The following EPHB4 variants were observed in gnomAD, a reference collection of about 807,000 sequenced individuals.
EPHB4 encodes the protein ephrin type-B receptor 4.
In EPHB4, 50 loss-of-function variants were observed where a neutral mutation model predicts 110.6. That is an observed-to-expected ratio of 0.45 (90% confidence interval 0.36 to 0.57). EPHB4 has a LOEUF of 0.57. Ranked by LOEUF, EPHB4 falls within the 20% of genes least tolerant of loss-of-function variation. The pLI is 0.00. For synonymous variants in EPHB4, 592 were observed against 578.4 expected (o/e 1.02, Z -0.34); for missense variants, 1,128 against 1,382.1 (o/e 0.82, Z 2.91).
chr7:100,813,306 G>GTTTTTTTTTTT, intron 10 of EPHB4, 98 bp from the exon 11 acceptor site: 1 of 385,622 alleles, frequency 2.6e-6, no homozygotes, highest in South Asian at 3.5e-5. Context: ...TGTCTCCGTG[G>GTTTTTTTTTTT]TTTTTTTTTT....
Position 100,822,735 on chromosome 7 carries a change from C to A in EPHB4, c.412-68G>T. The A allele has an allele frequency of 6.9e-7, 1 of 1,443,690 alleles. No homozygotes were observed. Among genetic ancestry groups the A allele is most frequent in the South Asian group, 1.5e-5 (1 of 68,566 alleles). 89.4% of individuals were successfully genotyped at this position (1,443,690 alleles called of 1,614,324 possible). A position where few individuals can be genotyped will look rare whatever the true frequency, so the allele number is the denominator to read the frequency against. ...TGAGGACCCAGCGGACTGTTGTGTT[C>A]TTCCCAGCTCACCCTCCCGGACCTC... On this transcript the variant is annotated intron_variant, in intron 3 of 16. Coordinates refer to ENST00000358173, the MANE Select transcript of EPHB4 (RefSeq NM_004444.5). This position sits in a 1 kb window ranked among gnomAD's most constrained non-coding sequence, Gnocchi z 4.7.
intron 14 of EPHB4, chr7:100,805,929 T>A: frequency 2.4e-6 from 1 of 424,630 alleles, no homozygotes; most frequent in Non-Finnish European, 4.1e-6. Context: ...CATCTCTGCA[T>A]CCTTCTGCGA....
At chr7:100,813,315 T>TC (rs1812989560) in intron 10 of EPHB4, 107 bp from the exon 11 acceptor site, 1 of 866,518 alleles carries the variant, frequency 1.2e-6, no homozygotes, top group Non-Finnish European at 1.7e-6. Context: ...GGTTTTTTTT[T>TC]TTTTTTTTTT....
In EPHB4 at chr7:100,822,318, C is replaced by G; in HGVS notation, c.761G>C (p.Ser254Thr). Residue 254 changes from serine (S) to threonine (T), a missense_variant, in exon 4 of 17, where the codon AGC (serine) becomes ACC (threonine). By Grantham distance (58) the Ser-to-Thr change is moderately conservative. Transcript: ENST00000358173. This position sits in a 1 kb window ranked among gnomAD's most constrained non-coding sequence, Gnocchi z 4.7. The part of the protein sequence containing the change: ...QWAEQPVTGC[S>T]CAPGFEAAEG... ...AGCTGCCTCGAACCCCGGAGCACAGCTGCAGCCCGTGACCGGCTGTTCGGC... is the reference window on the plus strand; with the variant it reads ...AGCTGCCTCGAACCCCGGAGCACAGGTGCAGCCCGTGACCGGCTGTTCGGC... The G allele has an allele frequency of 6.4e-7, 1 of 1,567,420 alleles. No individual in the cohort carries two copies. The highest frequency in any genetic ancestry group is 8.7e-7 in the Non-Finnish European group (1 of 1,154,712).
intron 12 of EPHB4, among the ~76,000 whole-genome samples, chr7:100,810,020 G>C (rs1361751028): frequency 6.6e-6 from 1 of 152,098 alleles, no homozygotes; most frequent in Non-Finnish European, 1.5e-5. Flanking sequence ...AGGCTGAGGT[G>C]GTGGGCAGAT....
chr7:100,820,586 G>A, intron 4 of EPHB4: 3 of 252,224 alleles, frequency 1.2e-5, no homozygotes. Flanking sequence ...TCCAGAGAAG[G>A]GGTCCTCACC....
Position 100,803,343 on chromosome 7 carries a change from T to C in EPHB4, c.*118A>G. 1 of 1,258,042 alleles carries C rather than the reference T, an allele frequency of 7.9e-7. No homozygotes were observed. 77.9% of individuals were successfully genotyped at this position (1,258,042 alleles called of 1,614,324 possible). A position where few individuals can be genotyped will look rare whatever the true frequency, so the allele number is the denominator to read the frequency against. On this transcript the variant is annotated 3_prime_UTR_variant, in exon 17 of 17. Transcript: ENST00000358173. ...CCTGTCTCTCCAAATTGCCAACTCCTCACCCCACGGGCTCAAAGTGCAATC... is the reference window on the plus strand; with the variant it reads ...CCTGTCTCTCCAAATTGCCAACTCCCCACCCCACGGGCTCAAAGTGCAATC...
intron 8 of EPHB4, 87 bp downstream of exon 8, chr7:100,817,101 AAAAG>A: frequency 1.7e-6 from 2 of 1,206,518 alleles, no homozygotes; most frequent in Non-Finnish European, 2.2e-6. Context: ...AAAAAAAAAA[AAAAG>A]ATGATGGGAC....
rs372433130 is a variant in EPHB4, at chr7:100,822,425, G to T, written c.654C>A (p.Pro218=). ...PETVPRELVV[P]VAGSCVVDAV... ...CATCCACCACGCAGCTACCGGCCAC[G>T]GGCACAACCAGCTCCCGAGGCACAG... The change falls in exon 4 of 17, where the codon CCC becomes CCA. Residue 218 remains proline (P), a synonymous_variant. Coordinates refer to ENST00000358173, the MANE Select transcript of EPHB4 (RefSeq NM_004444.5). The surrounding 1 kb of genome is among the most constrained non-coding windows in gnomAD (Gnocchi z 4.7). 3.1e-6 allele frequency: 5 copies of T among 1,597,588 alleles called. No individual in the cohort carries two copies. The South Asian group carries it at 5.6e-5, about 18-fold the overall frequency.
chr7:100,820,190 G>C lies in EPHB4; in HGVS notation c.915C>G (p.Arg305=). 6.2e-7 allele frequency: 1 copy of C among 1,614,102 alleles called. No individual in the cohort carries two copies. The highest frequency in any genetic ancestry group is 8.5e-7 in the Non-Finnish European group (1 of 1,180,022). ...CTGTGCGTGCCCGGAAGTACCCGAC[G>C]CGGCACTGGCAGACGGCTGATCCAA... The part of the protein sequence containing the change: ...NTIGSAVCQC[R]VGYFRARTDP... The change falls in exon 5 of 17, where the codon CGC becomes CGG. Residue 305 remains arginine, a synonymous_variant. Transcript: ENST00000358173.
intron 16 of EPHB4, 65 bp downstream of exon 16, chr7:100,805,101 C>A (rs1812786916): frequency 3.9e-6 from 6 of 1,551,040 alleles, no homozygotes; most frequent in Non-Finnish European, 5.2e-6. Context: ...CCCCTGGAGA[C>A]CCCGTGGGCC....
chr7:100,817,328 G>A lies in EPHB4; in HGVS notation c.1452C>T (p.Phe484=). ...KGAEGPSSVR[F]LKTSENRAEL... ...CTGCCCGGTTTTCTGACGTCTTCAGGAACCGCACGCTGCTGGGACCCTCGG... is the reference window on the plus strand; with the variant it reads ...CTGCCCGGTTTTCTGACGTCTTCAGAAACCGCACGCTGCTGGGACCCTCGG... Residue 484 remains phenylalanine (F), a synonymous_variant, in exon 8 of 17, where the codon TTC becomes TTT. Transcript: ENST00000358173. 1.9e-6 allele frequency: 3 copies of A among 1,584,634 alleles called. No homozygotes were observed. The highest frequency in any genetic ancestry group is 2.6e-6 in the Non-Finnish European group (3 of 1,166,526).
Position 100,827,049 on chromosome 7 carries a change from T to A in EPHB4, c.-19A>T, listed in dbSNP as rs1379830090. On this transcript the variant is annotated 5_prime_UTR_variant, in exon 1 of 17. Transcript: ENST00000358173. The stretch of plus-strand genomic sequence containing the variant: ...GCTCCATGGCGCCGCCTCACTCGGG[T>A]AGGATCCGAACTGAGTTTGGGGGGC... 4 of 1,571,752 alleles carry A rather than the reference T, an allele frequency of 2.5e-6. No homozygotes were observed. The highest frequency in any genetic ancestry group is 3.5e-6 in the Non-Finnish European group (4 of 1,159,132).
intron 8 of EPHB4, among the ~76,000 whole-genome samples, chr7:100,815,229 G>A (rs1813039285): frequency 1.3e-5 from 2 of 150,316 alleles, no homozygotes; most frequent in South Asian, 2.1e-4. Context: ...AGGCTGAGGT[G>A]GGAGGATCAC....
Position 100,817,304 on chromosome 7 carries a change from T to C in EPHB4, c.1476A>G (p.Ala492=), listed in dbSNP as rs1472843116. Residue 492 remains alanine (A), a synonymous_variant, in exon 8 of 17, where the codon GCA becomes GCG. Coordinates refer to ENST00000358173, the MANE Select transcript of EPHB4 (RefSeq NM_004444.5). Reference sequence around the variant, plus strand: ...CTCCCCGCTTCAGCCCCCGCAGCTCTGCCCGGTTTTCTGACGTCTTCAGGA... The same window carrying C: ...CTCCCCGCTTCAGCCCCCGCAGCTCCGCCCGGTTTTCTGACGTCTTCAGGA... The part of the protein sequence containing the change: ...VRFLKTSENR[A]ELRGLKRGAS... 5.0e-6 allele frequency: 8 copies of C among 1,592,556 alleles called. No homozygotes were observed. In the African/African-American group the frequency reaches 9.4e-5, roughly 19 times the overall value.
At chr7:100,814,079 C>T in intron 8 of EPHB4, 58 bp from the exon 9 acceptor site, 1 of 1,586,482 alleles carries the variant, frequency 6.3e-7, no homozygotes, top group Non-Finnish European at 8.6e-7. Flanking sequence ...GAGGCCCCAG[C>T]CCCGGCTTTG....
At chr7:100,817,390 C>A (rs750843180) in intron 7 of EPHB4, 33 bp from the exon 8 acceptor site, 3 of 1,514,930 alleles carry the variant, frequency 2.0e-6, no homozygotes, top group Non-Finnish European at 2.6e-6. Context: ...TGGCCGTCAC[C>A]CGGGAACCCA....
At chr7:100,821,454 T>C (rs963062106) in intron 4 of EPHB4, among the ~76,000 whole-genome samples, 12 of 149,690 alleles carry the variant, frequency 8.0e-5, no homozygotes, top group East Asian at 2.1e-4. Context: ...ACGGTGAAAC[T>C]CCATCTCTAC....
intron 8 of EPHB4, among the ~76,000 whole-genome samples, chr7:100,816,225 G>A (rs1813063782): frequency 6.6e-6 from 1 of 152,034 alleles, no homozygotes; most frequent in African/African-American, 2.4e-5. Context: ...AAAATAACCT[G>A]TTACCTCCAA....
Sources: allele counts gnomAD v4.1 joint callset (sites outside exome capture counted in the v4.1 genomes callset), GRCh38; gene constraint gnomAD v4.1.1; non-coding constraint Gnocchi (gnomAD v3.1); transcripts MANE v1.5; gene names NCBI Gene and HGNC (gene_info 2026-07-23, HGNC 2026-07-21).